The following NCAM2 variants were observed in gnomAD, a reference collection of about 807,000 sequenced individuals.
NCAM2 encodes neural cell adhesion molecule 2.
NCAM2 carries 30 observed loss-of-function variants against 98.1 expected under a neutral mutation model. The ratio of observed to expected loss-of-function variants is 0.31; its 90% CI spans 0.23 to 0.41. The LOEUF is 0.41. Among genes scored for constraint, NCAM2 ranks in the 10% least tolerant of loss-of-function variants. The pLI, the probability that NCAM2 is intolerant of heterozygous loss-of-function variation, is 1.00. For missense variants in NCAM2, 867 were observed against 1,005.8 expected, an observed-to-expected ratio of 0.86 and a Z score of 1.87; for synonymous variants, 368 against 342.4, an observed-to-expected ratio of 1.07 and a Z score of -0.83.
At chr21:21,421,113 C>T (rs955080849) in intron 11 of NCAM2, among the ~76,000 whole-genome samples, 2 of 151,798 alleles carry the variant, frequency 1.3e-5, no homozygotes, top group African/African-American at 4.8e-5. Context: ...TTAGGTACAA[C>T]TTAATAAATG....
At chr21:21,534,436 T>C (rs1989874295) in intron 16 of NCAM2, 101 bp from the exon 17 acceptor site, 1 of 1,002,798 alleles carries the variant, frequency 1.0e-6, no homozygotes, top group Non-Finnish European at 1.4e-6. Context: ...GTTGGATTTA[T>C]TTGGAGGAAG....
At chr21:21,431,958 C>T in intron 11 of NCAM2, 150 bp from the exon 12 acceptor site, 1 of 557,260 alleles carries the variant, frequency 1.8e-6, no homozygotes, top group Non-Finnish European at 3.0e-6. Flanking sequence ...AAAGAACATT[C>T]AGGTGTTTCA....
At chr21:21,240,321 C>T (rs912550205) in intron 1 of NCAM2, among the ~76,000 whole-genome samples, 6 of 150,534 alleles carry the variant, frequency 4.0e-5, no homozygotes, top group Non-Finnish European at 8.8e-5. Context: ...AGAGTTTTAA[C>T]TACTGAAACA....
At chr21:21,177,890 C>G (rs144189567) in intron 1 of NCAM2, among the ~76,000 whole-genome samples, 1 of 152,060 alleles carries the variant, frequency 6.6e-6, no homozygotes, top group African/African-American at 2.4e-5. Context: ...TTGACCATAA[C>G]TGCTTTTGCC....
intron 1 of NCAM2, among the ~76,000 whole-genome samples, chr21:21,183,525 G>A (rs2068545061): frequency 6.6e-6 from 1 of 152,124 alleles, no homozygotes; most frequent in African/African-American, 2.4e-5. Flanking sequence ...GAAATGGTAA[G>A]GGGAGAGACC....
At chr21:21,195,571 A>G (rs1326653421) in intron 1 of NCAM2, among the ~76,000 whole-genome samples, 1 of 152,354 alleles carries the variant, frequency 6.6e-6, no homozygotes, top group Non-Finnish European at 1.5e-5. Context: ...TGACATTAAT[A>G]TAACAGCATT....
At chr21:21,338,694 C>A (rs984754) in intron 8 of NCAM2, among the ~76,000 whole-genome samples, 160 bp downstream of exon 8, 122,236 of 152,076 alleles carry the variant, frequency 0.8, 49,317 homozygotes, top group East Asian at 0.99. Context: ...TCGGCTTTAC[C>A]ACTTTCGTGG....
intron 16 of NCAM2, among the ~76,000 whole-genome samples, chr21:21,531,267 A>G (rs1989678158): frequency 6.6e-6 from 1 of 152,166 alleles, no homozygotes; most frequent in Admixed American, 6.6e-5. Context: ...TATGAATTTC[A>G]TAAATTTTTT....
At chr21:21,474,918 AAC>A (rs1289541979) in intron 14 of NCAM2, among the ~76,000 whole-genome samples, 13 of 151,698 alleles carry the variant, frequency 8.6e-5, no homozygotes, top group Non-Finnish European at 1.8e-4. Context: ...ACATACATTT[AAC>A]ATATCATCTC....
chr21:21,410,212 A>T, intron 9 of NCAM2, 62 bp from the exon 10 acceptor site: 1 of 882,564 alleles, frequency 1.1e-6, no homozygotes. Context: ...TGCTTATACT[A>T]CTTAAATGAT....
At chr21:21,334,023 C>A (rs1372060945) in intron 6 of NCAM2, among the ~76,000 whole-genome samples, 5 of 151,762 alleles carry the variant, frequency 3.3e-5, no homozygotes, top group African/African-American at 9.7e-5. Context: ...GTGGTGTGAT[C>A]TCAGCTCCCT....
chr21:21,512,611 C>CAAT lies in NCAM2; in HGVS notation c.2282+3556_2282+3557insAAT, dbSNP rs1988459151. Among the ~76,000 whole-genome samples, 3 of 151,794 alleles carry CAAT rather than the reference C, an allele frequency of 2.0e-5. No homozygotes were observed. The South Asian group carries it at 6.2e-4, about 32-fold the overall frequency. On this transcript the variant is annotated intron_variant, in intron 16 of 17. Coordinates refer to ENST00000400546, the MANE Select transcript of NCAM2 (RefSeq NM_004540.5). ...CATATACATTTTACGATCTTTTTTTCTATTTCTGTGAAGAATGTCATTGGC... is the reference window on the plus strand; with the variant it reads ...CATATACATTTTACGATCTTTTTTTCAATTATTTCTGTGAAGAATGTCATTGGC...
At chr21:21,269,990 A>C (rs539821931) in intron 1 of NCAM2, among the ~76,000 whole-genome samples, 11 of 152,320 alleles carry the variant, frequency 7.2e-5, no homozygotes, top group African/African-American at 2.6e-4. Flanking sequence ...TGCTAACCTT[A>C]GTCTGGAGAG....
chr21:21,257,036 A>G lies in NCAM2; in HGVS notation c.56-23542A>G, dbSNP rs138033291. 2.5e-3 allele frequency among the ~76,000 whole-genome samples: 374 copies of G among 152,322 alleles called. 3 individuals are homozygous for G. Among genetic ancestry groups the G allele is most frequent in the African/African-American group, 8.6e-3 (356 of 41,576 alleles). ...TTTTTAATCAAGCTGCTAAAGTACA[A>G]TGGATCTCTGCAGTGATTTAGGATG... On this transcript the variant is annotated intron_variant, in intron 1 of 17. Transcript: ENST00000400546.
intron 5 of NCAM2, among the ~76,000 whole-genome samples, chr21:21,316,557 A>T: frequency 9.4e-6 from 1 of 106,038 alleles, no homozygotes; most frequent in African/African-American, 3.7e-5. Context: ...TTTTTTTGAG[A>T]CAGAGTCTCA....
At chr21:21,075,129 T>C (rs1213079031) in intron 1 of NCAM2, among the ~76,000 whole-genome samples, 3 of 151,724 alleles carry the variant, frequency 2.0e-5, no homozygotes, top group Non-Finnish European at 2.9e-5. Context: ...TAAGTGGGAG[T>C]TGAACAATGA....
chr21:21,231,440 T>C lies in NCAM2; in HGVS notation c.56-49138T>C, dbSNP rs192253205. Among the ~76,000 whole-genome samples the C allele has an allele frequency of 3.6e-3, 545 of 151,388 alleles. 5 individuals carry two copies. Among genetic ancestry groups the C allele is most frequent in the African/African-American group, 0.013 (527 of 41,476 alleles). On this transcript the variant is annotated intron_variant, in intron 1 of 17. Coordinates refer to ENST00000400546, the MANE Select transcript of NCAM2 (RefSeq NM_004540.5). Reference sequence around the variant, plus strand: ...TGGAAAAAGAAACAGAATATAAAATTAAATATAACTGCCAAAAGACTTGGC... The same window carrying C: ...TGGAAAAAGAAACAGAATATAAAATCAAATATAACTGCCAAAAGACTTGGC...
At chr21:21,450,110 G>A (rs1038513181) in intron 12 of NCAM2, among the ~76,000 whole-genome samples, 5 of 151,880 alleles carry the variant, frequency 3.3e-5, no homozygotes, top group African/African-American at 1.2e-4. Context: ...GTATTTGAAA[G>A]ATCAATCATC....
intron 1 of NCAM2, among the ~76,000 whole-genome samples, chr21:21,190,785 C>T (rs1216188218): frequency 2.0e-5 from 3 of 152,018 alleles, no homozygotes. Flanking sequence ...ATTTTCTTAC[C>T]TGTAAAATGA....
Sources: gnomAD v4.1 joint callset for allele counts (sites outside exome capture counted in the v4.1 genomes callset) on GRCh38, gnomAD v4.1.1 for gene constraint, MANE v1.5 for transcripts, NCBI Gene and HGNC (gene_info 2026-07-23, HGNC 2026-07-21) for gene names.